The following FAAH2 variants were observed in gnomAD, a reference collection of about 807,000 sequenced individuals.
The protein encoded by FAAH2 is fatty acid amide hydrolase 2, also known as fatty-acid amide hydrolase 2.
FAAH2 carries 60 observed loss-of-function variants against 36.9 expected under a neutral mutation model. The observed-to-expected ratio is 1.63, with a 90% CI of 1.32 to 2.02. The LOEUF is 2.02. Among genes scored for constraint, FAAH2 ranks in the 30% most tolerant of loss-of-function variants. The pLI, the probability that FAAH2 is intolerant of heterozygous loss-of-function variation, is 0.00. For missense variants in FAAH2, 689 were observed against 397.5 expected (o/e 1.73, Z -6.23); for synonymous variants, 214 against 143.8 (o/e 1.49, Z -3.49).
At chrX:57,234,205 G>C in the FAAH2 span, among the ~76,000 whole-genome samples, 1 of 111,479 alleles carries the variant, frequency 9.0e-6, no homozygotes. Context: ...AGAGTTTTCT[G>C]TTTTTCTGAC....
the FAAH2 span, among the ~76,000 whole-genome samples, chrX:57,124,294 G>A: frequency 9.0e-6 from 1 of 111,520 alleles, no homozygotes; most frequent in Non-Finnish European, 1.9e-5. Context: ...TGTCAGGTTT[G>A]TCAAAGATCA....
the FAAH2 span, among the ~76,000 whole-genome samples, chrX:57,243,004 G>A: frequency 8.9e-6 from 1 of 112,154 alleles, no homozygotes; most frequent in Non-Finnish European, 1.9e-5. Flanking sequence ...GCTAAGATCC[G>A]TGAAATTCTT....
chrX:57,149,488 G>C, the FAAH2 span, among the ~76,000 whole-genome samples: 1 of 111,525 alleles, frequency 9.0e-6, no homozygotes, highest in African/African-American at 3.3e-5. Flanking sequence ...AGTCTTGGGA[G>C]GGTGTATGTG....
At chrX:57,192,099 C>T in the FAAH2 span, among the ~76,000 whole-genome samples, 1 of 111,665 alleles carries the variant, frequency 9.0e-6, no homozygotes, top group Admixed American at 9.5e-5. Flanking sequence ...CCTTCAAATC[C>T]ACATGAAATC....
chrX:57,195,935 C>T, the FAAH2 span, among the ~76,000 whole-genome samples: 6 of 112,077 alleles, frequency 5.4e-5, no homozygotes, highest in African/African-American at 1.6e-4. Flanking sequence ...ACTTCTGGTT[C>T]TCTCTTCTGG....
intron 7 of FAAH2, among the ~76,000 whole-genome samples, chrX:57,427,025 T>C (rs889048196): frequency 1.8e-5 from 2 of 111,026 alleles, no homozygotes; most frequent in African/African-American, 6.5e-5. Flanking sequence ...AGAGAGATGA[T>C]TCAGATAAAC....
chrX:57,488,748 T>A lies in FAAH2; in HGVS notation c.1424-9T>A. 1 of 1,206,606 alleles carries A rather than the reference T, an allele frequency of 8.3e-7. No individual in the cohort carries two copies. Among genetic ancestry groups the A allele is most frequent in the African/African-American group, 1.7e-5 (1 of 57,655 alleles). On this transcript the variant is annotated splice_polypyrimidine_tract_variant and intron_variant, in intron 10 of 10. Transcript: ENST00000374900. ...TTGATTTCTCACTTATTTTGTTTGT[T>A]TTCTTCAGGTGTCTTCAGTGCCCTG... is the stretch of plus-strand genomic sequence containing the variant.
intron 3 of FAAH2, among the ~76,000 whole-genome samples, chrX:57,330,048 A>AT (rs896075544): frequency 3.0e-4 from 34 of 111,602 alleles, no homozygotes; most frequent in Non-Finnish European, 6.0e-4. Flanking sequence ...AACTGCACAG[A>AT]TTGTAGAGCA....
In FAAH2 at chrX:57,448,637, G is replaced by A. The variant is rs778904316; in HGVS notation, c.1342G>A (p.Val448Met). 5 of 1,211,498 alleles carry A rather than the reference G, an allele frequency of 4.1e-6. No individual in the cohort carries two copies. The South Asian group carries it at 8.8e-5, about 21-fold the overall frequency. The change falls in exon 10 of 11, where the codon GTG becomes ATG. Residue 448 changes from valine to methionine, a missense_variant. Transcript: ENST00000374900. ...ELVDMLGDDG[V>M]FLYPSHPTVA... ...GGTGGATATGCTAGGTGATGATGGT[G>A]TGTTCTTATATCCCTCACATCCCAC...
the FAAH2 span, among the ~76,000 whole-genome samples, chrX:57,220,372 C>T: frequency 9.0e-6 from 1 of 110,682 alleles, no homozygotes; most frequent in Non-Finnish European, 1.9e-5. Context: ...GTAAACCTAT[C>T]CTGCCACCTT....
the FAAH2 span, among the ~76,000 whole-genome samples, chrX:57,280,764 G>T: frequency 8.9e-6 from 1 of 111,865 alleles, no homozygotes; most frequent in Non-Finnish European, 1.9e-5. Context: ...GTACATGAAT[G>T]TTTACAGCAG....
chrX:57,477,692 A>C (rs943216943), intron 10 of FAAH2, among the ~76,000 whole-genome samples: 2 of 89,243 alleles, frequency 2.2e-5, no homozygotes, highest in African/African-American at 8.3e-5. Context: ...TCCTGTGCCC[A>C]AGTGTTCTCA....
At chrX:57,446,319 T>C (rs2056673160) in intron 8 of FAAH2, among the ~76,000 whole-genome samples, 1 of 112,072 alleles carries the variant, frequency 8.9e-6, no homozygotes, top group Admixed American at 9.5e-5. Flanking sequence ...TGTGTTTTCT[T>C]GCATGCATAG....
At chrX:57,123,471 A>T in the FAAH2 span, among the ~76,000 whole-genome samples, 20 of 112,373 alleles carry the variant, frequency 1.8e-4, 1 homozygote, top group Admixed American at 9.4e-4. Context: ...GTATGTGTGC[A>T]TGTGTCTTTA....
At chrX:57,479,938 C>A (rs1164142958) in intron 10 of FAAH2, among the ~76,000 whole-genome samples, 1 of 111,424 alleles carries the variant, frequency 9.0e-6, no homozygotes, top group Non-Finnish European at 1.9e-5. Flanking sequence ...ATATCACCAC[C>A]AATCCCACAG....
intron 10 of FAAH2, among the ~76,000 whole-genome samples, chrX:57,458,186 G>A (rs1386657797): frequency 1.8e-5 from 2 of 111,916 alleles, no homozygotes; most frequent in Non-Finnish European, 3.8e-5. Flanking sequence ...GCAAAAGTAA[G>A]CAATGGAGGA....
chrX:57,326,440 G>GT (rs1432828500), intron 3 of FAAH2, among the ~76,000 whole-genome samples: 3 of 114,214 alleles, frequency 2.6e-5, no homozygotes, highest in African/African-American at 9.6e-5. Context: ...ACAGTGGGGT[G>GT]TTAAAGTCTC....
At chrX:57,330,846 G>A (rs896588475) in intron 3 of FAAH2, among the ~76,000 whole-genome samples, 3 of 110,974 alleles carry the variant, frequency 2.7e-5, no homozygotes, top group Non-Finnish European at 3.8e-5. Flanking sequence ...TGTCTTCTGT[G>A]GCAGGTCTGT....
chrX:57,388,336 G>A (rs185459197), intron 7 of FAAH2, among the ~76,000 whole-genome samples: 308 of 111,236 alleles, frequency 2.8e-3, no homozygotes, highest in African/African-American at 9.4e-3. Context: ...TAAAAGGAAA[G>A]GAGTTAGGAC....
Sources: allele counts gnomAD v4.1 joint callset (sites outside exome capture counted in the v4.1 genomes callset), GRCh38; gene constraint gnomAD v4.1.1; transcripts MANE v1.5; gene names NCBI Gene and HGNC (gene_info 2026-07-23, HGNC 2026-07-21).